SPATS2L: variants seen among roughly 807,000 people sequenced by gnomAD.
The protein encoded by SPATS2L is spermatogenesis associated serine rich 2 like, also known as SPATS2-like protein.
Under a neutral mutation model 59.6 loss-of-function variants are expected in SPATS2L, and 30 were observed. The observed-to-expected ratio is 0.50, with a 90% confidence interval of 0.38 to 0.68. The LOEUF (loss-of-function observed/expected upper bound fraction) is 0.68, where lower values mean the gene tolerates loss of function less well. Among genes scored for constraint, SPATS2L ranks in the 30% least tolerant of loss-of-function variants. The pLI is 0.00. For synonymous variants in SPATS2L, 252 were observed against 263.5 expected, an observed-to-expected ratio of 0.96 and a Z score of 0.42; for missense variants, 615 against 700.0, an observed-to-expected ratio of 0.88 and a Z score of 1.37.
rs538847835 is a variant in SPATS2L at position 200,408,311 on chromosome 2, T to C, written c.40-4000T>C. Reference sequence around the variant, plus strand: ...GTTGGAGCCCAATTGTTGCTGGCGTTGAATGCCAGGTTGCAGATAATGAAC... The same window carrying C: ...GTTGGAGCCCAATTGTTGCTGGCGTCGAATGCCAGGTTGCAGATAATGAAC... On this transcript the variant is annotated intron_variant, in intron 3 of 12. Coordinates refer to ENST00000409140, the MANE Select transcript of SPATS2L (RefSeq NM_001100423.2). Among the ~76,000 whole-genome samples, 14 of 152,306 alleles carry C rather than the reference T, an allele frequency of 9.2e-5. No individual in the cohort carries two copies. The East Asian group carries it at 2.1e-3, about 23-fold the overall frequency.
chr2:200,412,285 TTTC>T, intron 3 of SPATS2L, 23 bp from the exon 4 acceptor site: 1 of 1,326,046 alleles, frequency 7.5e-7, no homozygotes, highest in Non-Finnish European at 1.0e-6. Flanking sequence ...CACATTTCTA[TTTC>T]TTTTTTTTTT....
rs76678206 is a variant in SPATS2L, at chr2:200,379,690, G to A, written c.-22-9533G>A. On this transcript the variant is annotated intron_variant, in intron 2 of 12. Coordinates refer to ENST00000409140, the MANE Select transcript of SPATS2L (RefSeq NM_001100423.2). ...GATTTGGGATTTGCCAGCGGGTGGT[G>A]GGGGGGATGGGGGAGGAAAGCAGTG... 1.6e-3 allele frequency among the ~76,000 whole-genome samples: 238 copies of A among 151,632 alleles called. 7 individuals are homozygous for A. In the East Asian group the frequency reaches 0.042, roughly 26 times the overall value.
chr2:200,457,762 G>C (rs891936170), intron 8 of SPATS2L, among the ~76,000 whole-genome samples: 3 of 152,228 alleles, frequency 2.0e-5, no homozygotes, highest in Non-Finnish European at 4.4e-5. Flanking sequence ...TCAGCACACA[G>C]TCCTTTACTC....
At chr2:200,421,466 C>A (rs2083303494) in intron 6 of SPATS2L, among the ~76,000 whole-genome samples, 1 of 152,114 alleles carries the variant, frequency 6.6e-6, no homozygotes, top group Admixed American at 6.5e-5. Flanking sequence ...AACAGAAAAG[C>A]AAATGGTGAC....
intron 2 of SPATS2L, among the ~76,000 whole-genome samples, chr2:200,359,934 T>C (rs1254605821): frequency 2.6e-5 from 4 of 152,320 alleles, no homozygotes; most frequent in South Asian, 2.1e-4. Flanking sequence ...ACCAGTGGGC[T>C]CCAAAGTGGA....
chr2:200,449,945 A>G (rs1052078464), intron 8 of SPATS2L, among the ~76,000 whole-genome samples: 19 of 152,328 alleles, frequency 1.2e-4, no homozygotes, highest in Non-Finnish European at 2.5e-4. Flanking sequence ...CCTTATATGT[A>G]TACTACATGC....
At chr2:200,423,503 C>G (rs1466383429) in intron 6 of SPATS2L, among the ~76,000 whole-genome samples, 2 of 152,088 alleles carry the variant, frequency 1.3e-5, no homozygotes, top group African/African-American at 2.4e-5. Context: ...AGAGGATAAC[C>G]CTCTTGAACT....
chr2:200,343,055 T>C (rs914598736), intron 2 of SPATS2L, among the ~76,000 whole-genome samples: 2 of 152,240 alleles, frequency 1.3e-5, no homozygotes, highest in Non-Finnish European at 2.9e-5. Flanking sequence ...CAGATGTAAT[T>C]TTTTTGTCAC....
intron 2 of SPATS2L, among the ~76,000 whole-genome samples, chr2:200,364,721 G>T (rs2081215496): frequency 6.6e-6 from 1 of 152,052 alleles, no homozygotes; most frequent in African/African-American, 2.4e-5. Flanking sequence ...TCTCCTTTCT[G>T]CCTGGACTGC....
At chr2:200,466,074 G>A (rs2086581382) in intron 9 of SPATS2L, among the ~76,000 whole-genome samples, 1 of 152,196 alleles carries the variant, frequency 6.6e-6, no homozygotes, top group South Asian at 2.1e-4. Context: ...CTAAAGAATG[G>A]TTTATGATTT....
At chr2:200,458,320 C>T (rs185149304) in intron 8 of SPATS2L, among the ~76,000 whole-genome samples, 1 of 152,210 alleles carries the variant, frequency 6.6e-6, no homozygotes, top group East Asian at 1.9e-4. Context: ...TTTTGTATTT[C>T]CTATAAATTT....
intron 2 of SPATS2L, among the ~76,000 whole-genome samples, chr2:200,338,427 A>G (rs904942730): frequency 6.6e-6 from 1 of 152,150 alleles, no homozygotes; most frequent in African/African-American, 2.4e-5. Context: ...CAATGAAGAA[A>G]CATGTAATCA....
chr2:200,449,976 T>C (rs1165657066), intron 8 of SPATS2L, among the ~76,000 whole-genome samples: 1 of 152,176 alleles, frequency 6.6e-6, no homozygotes, highest in East Asian at 1.9e-4. Context: ...GACTCTAAAC[T>C]CTTGATTCTT....
At chr2:200,420,381 G>T (rs887819599) in intron 6 of SPATS2L, among the ~76,000 whole-genome samples, 1 of 150,116 alleles carries the variant, frequency 6.7e-6, no homozygotes, top group African/African-American at 2.5e-5. Context: ...AAAATAGAAG[G>T]CTCAATAAAG....
At chr2:200,440,532 T>C (rs952924537) in intron 7 of SPATS2L, 117 bp from the exon 8 acceptor site, 1 of 999,946 alleles carries the variant, frequency 1.0e-6, no homozygotes, top group Non-Finnish European at 1.5e-6. Context: ...ATGGAACTTT[T>C]ACTAGACAAA....
intron 9 of SPATS2L, among the ~76,000 whole-genome samples, chr2:200,466,645 G>A (rs2086626240): frequency 6.6e-6 from 1 of 152,156 alleles, no homozygotes; most frequent in Non-Finnish European, 1.5e-5. Flanking sequence ...ACTCACTCTT[G>A]AAATTTTTCC....
At chr2:200,357,204 AGATTTTTTTGGACATGT>A in intron 2 of SPATS2L, among the ~76,000 whole-genome samples, 1 of 152,274 alleles carries the variant, frequency 6.6e-6, no homozygotes, top group African/African-American at 2.4e-5. Flanking sequence ...GTTTGGGGCC[AGATTTTTTTGGACATGT>A]GTTTTCCCTT....
At position 200,477,999 on chromosome 2, in the gene SPATS2L, C is replaced by G; in HGVS notation, c.1645C>G (p.Leu549Val). ...AGAAGTTTCCACAGATGCAGCAGTT[C>G]TCTCAGTCCCGGCTGTGACGTTGGT... ...RIEVSTDAAV[L>V]SVPAVTLVA is the part of the protein sequence containing the mutation. Residue 549 changes from leucine (L) to valine (V), a missense_variant, in exon 13 of 13, where the codon CTC becomes GTC. Transcript: ENST00000409140. The G allele has an allele frequency of 6.3e-7, 1 of 1,582,640 alleles. No individual in the cohort carries two copies. The highest frequency in any genetic ancestry group is 8.6e-7 in the Non-Finnish European group (1 of 1,163,340).
intron 1 of SPATS2L, 78 bp downstream of exon 1, chr2:200,307,000 G>C: frequency 1.0e-6 from 1 of 978,518 alleles, no homozygotes; most frequent in Middle Eastern, 5.3e-4. Context: ...CTGCGCGGCC[G>C]GGACGGAGAC....
Sources: gnomAD v4.1 joint callset for allele counts (sites outside exome capture counted in the v4.1 genomes callset) on GRCh38, gnomAD v4.1.1 for gene constraint, MANE v1.5 for transcripts, NCBI Gene and HGNC (gene_info 2026-07-23, HGNC 2026-07-21) for gene names.